CHCHD2: variants seen among roughly 807,000 people sequenced by gnomAD.
The protein encoded by CHCHD2 is coiled-coil-helix-coiled-coil-helix domain-containing protein 2.
In CHCHD2, 17 loss-of-function variants were observed where a neutral mutation model predicts 17.5. That is an observed-to-expected ratio of 0.97 (90% confidence interval 0.67 to 1.46). CHCHD2 has a LOEUF of 1.46. Ranked by LOEUF, CHCHD2 falls within the 40% of genes most tolerant of loss-of-function variation. The probability of loss-of-function intolerance (pLI) is 0.00; values close to 1 mark genes in which losing one functional copy is unlikely to be tolerated. For missense variants in CHCHD2, 175 were observed against 199.9 expected, an observed-to-expected ratio of 0.88 and a Z score of 0.75; for synonymous variants, 63 against 74.3, an observed-to-expected ratio of 0.85 and a Z score of 0.78.
intron 1 of CHCHD2, 88 bp downstream of exon 1, chr7:56,106,276 C>T (rs989460315): frequency 1.5e-6 from 2 of 1,318,782 alleles, no homozygotes; most frequent in Non-Finnish European, 2.1e-6. Context: ...GACCTTAGTT[C>T]ACCCCCGCCC....
chr7:56,105,112 T>C (rs1291569403), intron 1 of CHCHD2, among the ~76,000 whole-genome samples: 1 of 146,722 alleles, frequency 6.8e-6, no homozygotes, highest in Non-Finnish European at 1.5e-5. Flanking sequence ...AGTTTCACCA[T>C]GTTGGCCAGG....
At chr7:56,103,485 G>T (rs894644681) in intron 2 of CHCHD2, among the ~76,000 whole-genome samples, 7 of 152,270 alleles carry the variant, frequency 4.6e-5, no homozygotes, top group African/African-American at 1.7e-4. Context: ...GTAAAGACAG[G>T]GTTGCGCTAT....
rs189811169 is a variant in CHCHD2, at chr7:56,103,760, A to G, written c.300+466T>C. On this transcript the variant is annotated intron_variant, in intron 2 of 3. Coordinates refer to ENST00000395422, the MANE Select transcript of CHCHD2 (RefSeq NM_016139.4). The stretch of plus-strand genomic sequence containing the variant: ...GGAGGAAAAATGGTACTATTATAGA[A>G]AACTGGATGGAGCAGTTTCAAGCAC... Among the ~76,000 whole-genome samples, 55 of 152,350 alleles carry G rather than the reference A, an allele frequency of 3.6e-4. 1 individual carries two copies. Among genetic ancestry groups the G allele is most frequent in the Middle Eastern group, 3.4e-3 (1 of 294 alleles).
intron 1 of CHCHD2, among the ~76,000 whole-genome samples, chr7:56,106,005 T>C (rs1266804930): frequency 6.6e-6 from 1 of 152,338 alleles, no homozygotes; most frequent in East Asian, 1.9e-4. Flanking sequence ...AGACTAATTA[T>C]GTCCTGCACG....
chr7:56,105,512 T>C (rs1254006797), intron 1 of CHCHD2, among the ~76,000 whole-genome samples: 1 of 152,220 alleles, frequency 6.6e-6, no homozygotes, highest in Admixed American at 6.5e-5. Context: ...GTGGTGGCTC[T>C]TGCCTGTAAT....
chr7:56,103,342 T>C (rs1785321779), intron 2 of CHCHD2, among the ~76,000 whole-genome samples: 1 of 152,132 alleles, frequency 6.6e-6, no homozygotes. Flanking sequence ...TAGCCAGGCG[T>C]GGTAGCAGGC....
intron 3 of CHCHD2, among the ~76,000 whole-genome samples, chr7:56,102,240 C>G (rs1047128728): frequency 6.6e-6 from 1 of 152,158 alleles, no homozygotes; most frequent in Non-Finnish European, 1.5e-5. Flanking sequence ...TTGTCTATTC[C>G]TGGATTTTGG....
intron 1 of CHCHD2, 43 bp downstream of exon 1, chr7:56,106,321 C>A (rs1367702211): frequency 4.4e-6 from 7 of 1,602,632 alleles, no homozygotes; most frequent in Non-Finnish European, 6.0e-6. Flanking sequence ...CCAGTAGAGT[C>A]CGGACGGCCG....
chr7:56,101,895 T>A, intron 3 of CHCHD2, 34 bp from the exon 4 acceptor site: 1 of 1,607,176 alleles, frequency 6.2e-7, no homozygotes, highest in Non-Finnish European at 8.5e-7. Context: ...AGAAGAATGC[T>A]AGCTTCGTAT....
In CHCHD2 at chr7:56,106,239, T is replaced by G. The variant is rs908394239; in HGVS notation, c.50+125A>C. 6.3e-6 allele frequency: 5 copies of G among 798,626 alleles called. No individual in the cohort carries two copies. The East Asian group carries it at 1.5e-4, about 23-fold the overall frequency. 49.5% of individuals were successfully genotyped at this position (798,626 alleles called of 1,614,324 possible). A position where few individuals can be genotyped will look rare whatever the true frequency, so the allele number is the denominator to read the frequency against. On this transcript the variant is annotated intron_variant, in intron 1 of 3. Coordinates refer to ENST00000395422, the MANE Select transcript of CHCHD2 (RefSeq NM_016139.4). Reference sequence around the variant, plus strand: ...GCTTTACGTTCAATCTACCCCCGCCTGGCAGAGGCGAGCCCACGCCGCAGC... The same window carrying G: ...GCTTTACGTTCAATCTACCCCCGCCGGGCAGAGGCGAGCCCACGCCGCAGC...
rs373956381 is a variant in CHCHD2, at chr7:56,106,382, C to T, written c.32G>A (p.Arg11His). Reference sequence around the variant, plus strand: ...GTCTCACCTGGCCGGAGGGGCCATGCGGGAGGTGCGGCTTCGGCTTCCACG... The same window carrying T: ...GTCTCACCTGGCCGGAGGGGCCATGTGGGAGGTGCGGCTTCGGCTTCCACG... MPRGSRSRTS[R>H]MAPPASRAPQ... The change falls in exon 1 of 4, where the codon CGC (arginine) becomes CAC (histidine). Residue 11 changes from arginine to histidine, a missense_variant. Transcript: ENST00000395422. 1 of 1,613,388 alleles carries T rather than the reference C, an allele frequency of 6.2e-7. No homozygotes were observed. Among genetic ancestry groups the T allele is most frequent in the Non-Finnish European group, 8.5e-7 (1 of 1,179,642 alleles).
Position 56,101,812 on chromosome 7 carries a change from G to A in CHCHD2, c.*39C>T, listed in dbSNP as rs769522546. On this transcript the variant is annotated 3_prime_UTR_variant, in exon 4 of 4. Coordinates refer to ENST00000395422, the MANE Select transcript of CHCHD2 (RefSeq NM_016139.4). ...TTTTATACTAAATTAACTTAGTTAT[G>A]AGAGCTGATTTTCCATCTCTCCAGG... The A allele has an allele frequency of 1.3e-6, 2 of 1,585,870 alleles. No individual in the cohort carries two copies. The highest frequency in any genetic ancestry group is 8.6e-7 in the Non-Finnish European group (1 of 1,157,520).
In CHCHD2 at chr7:56,104,300, A is replaced by G. The variant is rs557102145; in HGVS notation, c.226T>C (p.Leu76=). The change falls in exon 2 of 4, where the codon TTG becomes CTG. Residue 76 remains leucine, a synonymous_variant. Transcript: ENST00000395422. ...VAVGSAVGHT[L]GHAITGGFSG... Reference sequence around the variant, plus strand: ...AAGCCCCCAGTAATGGCGTGACCCAATGTGTGCCCCACAGCAGAGCCCACA... The same window carrying G: ...AAGCCCCCAGTAATGGCGTGACCCAGTGTGTGCCCCACAGCAGAGCCCACA... 10 of 1,613,790 alleles carry G rather than the reference A, an allele frequency of 6.2e-6. No individual in the cohort carries two copies. Among genetic ancestry groups the G allele is most frequent in the African/African-American group, 4.0e-5 (3 of 75,030 alleles).
chr7:56,102,810 C>T, intron 3 of CHCHD2, 57 bp downstream of exon 3: 1 of 1,582,228 alleles, frequency 6.3e-7, no homozygotes, highest in African/African-American at 1.3e-5. Context: ...CTAAGTTCTA[C>T]AGGATCCAGG....
chr7:56,104,539 T>C, intron 1 of CHCHD2, 64 bp from the exon 2 acceptor site: 3 of 1,406,708 alleles, frequency 2.1e-6, no homozygotes, highest in Non-Finnish European at 1.9e-6. Context: ...ATTGTCAACT[T>C]AAAATAACTT....
chr7:56,104,144 T>A (rs770467799), intron 2 of CHCHD2, 82 bp downstream of exon 2: 9 of 1,557,594 alleles, frequency 5.8e-6, no homozygotes, highest in Non-Finnish European at 7.9e-6. Context: ...CAAAGACAAT[T>A]CCTACACTTA....
chr7:56,103,885 C>T (rs899319813), intron 2 of CHCHD2, among the ~76,000 whole-genome samples: 4 of 152,222 alleles, frequency 2.6e-5, no homozygotes, highest in African/African-American at 9.6e-5. Context: ...AAAGAACACA[C>T]AGCTATGCGA....
rs1365743768 is a variant in CHCHD2, at chr7:56,104,272, C to G, written c.254G>C (p.Ser85Thr). 1 of 1,613,686 alleles carries G rather than the reference C, an allele frequency of 6.2e-7. No homozygotes were observed. The highest frequency in any genetic ancestry group is 8.5e-7 in the Non-Finnish European group (1 of 1,179,708). Reference protein sequence around the residue: ...TLGHAITGGFSGGSNAEPARP... With the variant: ...TLGHAITGGFTGGSNAEPARP... ...CGCAGGCTCAGCATTACTTCCTCCACTGAAGCCCCCAGTAATGGCGTGACC... is the reference window on the plus strand; with the variant it reads ...CGCAGGCTCAGCATTACTTCCTCCAGTGAAGCCCCCAGTAATGGCGTGACC... The change falls in exon 2 of 4, where the codon AGT becomes ACT. Residue 85 changes from serine (S) to threonine (T), a missense_variant. Transcript: ENST00000395422.
At chr7:56,105,983 T>C (rs1422171289) in intron 1 of CHCHD2, among the ~76,000 whole-genome samples, 1 of 152,186 alleles carries the variant, frequency 6.6e-6, no homozygotes, top group East Asian at 1.9e-4. Flanking sequence ...AGACCCCTTC[T>C]CAAATAACAA....
Sources: gnomAD v4.1 joint callset for allele counts (sites outside exome capture counted in the v4.1 genomes callset) on GRCh38, gnomAD v4.1.1 for gene constraint, MANE v1.5 for transcripts, NCBI Gene and HGNC (gene_info 2026-07-23, HGNC 2026-07-21) for gene names.